Variants in ARRB1 observed in about 807,000 individuals in gnomAD.
ARRB1 encodes the protein arrestin beta 1.
In ARRB1, 21 loss-of-function variants were observed where a neutral mutation model predicts 56.8. That is an observed-to-expected ratio of 0.37 (90% CI 0.26 to 0.53). ARRB1 has a LOEUF of 0.53. ARRB1 is among the 20% of genes least tolerant of loss of function. The probability of loss-of-function intolerance (pLI) is 0.88; values close to 1 mark genes in which losing one functional copy is unlikely to be tolerated. For missense variants in ARRB1, 424 were observed against 553.7 expected (o/e 0.77, Z 2.35); for synonymous variants, 210 against 218.6 (o/e 0.96, Z 0.35).
In ARRB1 at chr11:75,274,164, G is replaced by A. The variant is rs78979036; in HGVS notation, c.824C>T (p.Thr275Ile). 3.4e-4 allele frequency: 544 copies of A among 1,614,238 alleles called. No individual in the cohort carries two copies. The highest frequency in any genetic ancestry group is 4.3e-4 in the Non-Finnish European group (502 of 1,180,046). ...SSTFCKVYTL[T>I]PFLANNREKR... ...CTCTCGGTTATTGGCTAGGAAGGGGGTCAGTGTGTAGACCTTGCAGAACGT... is the reference window on the plus strand; with the variant it reads ...CTCTCGGTTATTGGCTAGGAAGGGGATCAGTGTGTAGACCTTGCAGAACGT... Residue 275 changes from threonine to isoleucine, a missense_variant, in exon 11 of 16, where the codon ACC becomes ATC. This residue lies in a region of ARRB1 where 301 missense variants were observed against 387.9 expected (regional missense o/e 0.78). Coordinates refer to ENST00000420843, the MANE Select transcript of ARRB1 (RefSeq NM_004041.5).
intron 1 of ARRB1, among the ~76,000 whole-genome samples, chr11:75,351,173 G>C (rs983118640): frequency 4.6e-5 from 7 of 152,264 alleles, no homozygotes; most frequent in Non-Finnish European, 7.3e-5. Flanking sequence ...CAGCAAGAAT[G>C]TGTTGACCGA....
intron 1 of ARRB1, among the ~76,000 whole-genome samples, chr11:75,318,887 A>G (rs1335934242): frequency 1.3e-5 from 2 of 152,186 alleles, no homozygotes; most frequent in Non-Finnish European, 1.5e-5. Flanking sequence ...TCAGGCCCTC[A>G]GTCCAAATGG....
At chr11:75,270,395 C>A (rs547370863) in intron 13 of ARRB1, among the ~76,000 whole-genome samples, 1 of 152,166 alleles carries the variant, frequency 6.6e-6, no homozygotes, top group East Asian at 1.9e-4. Context: ...TTTGGGAGGC[C>A]GAGGCGGGTG....
At chr11:75,320,169 C>A (rs1223122235) in intron 1 of ARRB1, among the ~76,000 whole-genome samples, 2 of 152,130 alleles carry the variant, frequency 1.3e-5, no homozygotes, top group South Asian at 2.1e-4. Flanking sequence ...TGCCTACAGA[C>A]CCTCCACTGG....
chr11:75,262,058 G>T lies in ARRB1; in HGVS notation c.*4105C>A, dbSNP rs1235861049. 2 of 152,210 alleles carry T rather than the reference G, an allele frequency of 1.3e-5. No homozygotes were observed. Among genetic ancestry groups the T allele is most frequent in the Non-Finnish European group, 2.9e-5 (2 of 68,040 alleles). 9.4% of individuals were successfully genotyped at this position (152,210 alleles called of 1,614,324 possible). ...AGGACAAAAGGCTTGGGTTTTTCCT[G>T]GGCCCGAAGCCCTCCCAATGTCACT... On this transcript the variant is annotated 3_prime_UTR_variant, in exon 16 of 16. Coordinates refer to ENST00000420843, the MANE Select transcript of ARRB1 (RefSeq NM_004041.5).
At chr11:75,294,549 T>C (rs1465758636) in intron 1 of ARRB1, among the ~76,000 whole-genome samples, 1 of 144,436 alleles carries the variant, frequency 6.9e-6, no homozygotes, top group Non-Finnish European at 1.5e-5. Context: ...AGAGCAAGAC[T>C]CCGTCTCAAA....
chr11:75,272,599 G>A (rs1377783427), intron 12 of ARRB1, among the ~76,000 whole-genome samples: 1 of 152,114 alleles, frequency 6.6e-6, no homozygotes, highest in Non-Finnish European at 1.5e-5. Flanking sequence ...TGAGGACGCC[G>A]TCCCCTGGGC....
intron 1 of ARRB1, among the ~76,000 whole-genome samples, chr11:75,297,681 A>G (rs1253824869): frequency 2.0e-5 from 3 of 151,854 alleles, no homozygotes; most frequent in Non-Finnish European, 4.4e-5. Flanking sequence ...CCTGGCCAAC[A>G]TGGTGAAACC....
Position 75,272,692 on chromosome 11 carries a change from C to T in ARRB1, c.998+203G>A, listed in dbSNP as rs1291001525. Reference sequence around the variant, plus strand: ...GAGATGGGTGGGGGTAAGAGAGGGGCTGAGGGCCAAGGAAGGAAGAGAGGG... The same window carrying T: ...GAGATGGGTGGGGGTAAGAGAGGGGTTGAGGGCCAAGGAAGGAAGAGAGGG... On this transcript the variant is annotated intron_variant, in intron 12 of 15. Transcript: ENST00000420843. The T allele has an allele frequency of 1.4e-5, 8 of 575,670 alleles. No homozygotes were observed. The Admixed American group carries it at 2.4e-4, about 17-fold the overall frequency. The allele number at this position is 575,670 out of a possible 1,614,324, so 35.7% of individuals were successfully genotyped here.
At chr11:75,339,688 C>T (rs1001559971) in intron 1 of ARRB1, among the ~76,000 whole-genome samples, 27 of 152,196 alleles carry the variant, frequency 1.8e-4, no homozygotes, top group Non-Finnish European at 3.7e-4. Flanking sequence ...TACCCCTCTT[C>T]TGGCAGCTGT....
At chr11:75,282,210 A>G in intron 5 of ARRB1, 189 bp from the exon 6 acceptor site, 1 of 582,628 alleles carries the variant, frequency 1.7e-6, no homozygotes. Flanking sequence ...TTCTTTATCT[A>G]AAGGGTTTGG....
intron 11 of ARRB1, among the ~76,000 whole-genome samples, chr11:75,273,508 A>G (rs1272458071): frequency 6.6e-6 from 1 of 152,146 alleles, no homozygotes; most frequent in Non-Finnish European, 1.5e-5. Context: ...AAGAGAGCTG[A>G]GTCTGTGCTG....
chr11:75,294,043 C>A (rs138247515), intron 1 of ARRB1, among the ~76,000 whole-genome samples: 1 of 152,188 alleles, frequency 6.6e-6, no homozygotes, highest in Non-Finnish European at 1.5e-5. Flanking sequence ...CCACTGCTAA[C>A]TGGTTGAATG....
At chr11:75,327,052 C>A (rs370871406) in intron 1 of ARRB1, among the ~76,000 whole-genome samples, 1 of 151,708 alleles carries the variant, frequency 6.6e-6, no homozygotes, top group African/African-American at 2.4e-5. Context: ...TGGTGGCTCA[C>A]GCCTGTAATC....
chr11:75,339,045 C>A (rs1255018580), intron 1 of ARRB1, among the ~76,000 whole-genome samples: 2 of 152,226 alleles, frequency 1.3e-5, no homozygotes, highest in African/African-American at 2.4e-5. Flanking sequence ...GCCTCCTCTC[C>A]ACCACTCCAC....
At chr11:75,313,974 CT>C (rs1220624427) in intron 1 of ARRB1, among the ~76,000 whole-genome samples, 1 of 152,202 alleles carries the variant, frequency 6.6e-6, no homozygotes, top group Non-Finnish European at 1.5e-5. Context: ...CCTCCTCTGC[CT>C]AAAAACTCTT....
intron 7 of ARRB1, among the ~76,000 whole-genome samples, chr11:75,280,429 G>A (rs1020609116): frequency 2.0e-5 from 3 of 152,216 alleles, no homozygotes; most frequent in Non-Finnish European, 2.9e-5. Flanking sequence ...GCACATCAGC[G>A]TCGAGGGCCC....
chr11:75,330,632 T>C (rs997430320), intron 1 of ARRB1, among the ~76,000 whole-genome samples: 6 of 152,214 alleles, frequency 3.9e-5, no homozygotes, highest in African/African-American at 1.4e-4. Flanking sequence ...AGGAATGGAA[T>C]GTTCTCCCCA....
At chr11:75,322,149 G>A (rs1947357160) in intron 1 of ARRB1, among the ~76,000 whole-genome samples, 1 of 152,226 alleles carries the variant, frequency 6.6e-6, no homozygotes, top group Non-Finnish European at 1.5e-5. Context: ...TGACATCCGG[G>A]CTAAGAGTTG....
Sources: allele counts gnomAD v4.1 joint callset (sites outside exome capture counted in the v4.1 genomes callset), GRCh38; gene constraint gnomAD v4.1.1; regional missense constraint gnomAD v4.1.1; transcripts MANE v1.5; gene names NCBI Gene and HGNC (gene_info 2026-07-23, HGNC 2026-07-21).